The following SCHIP1 variants were observed in gnomAD, a reference collection of about 807,000 sequenced individuals.
SCHIP1 encodes schwannomin interacting protein 1.
In SCHIP1, 8 loss-of-function variants were observed where a neutral mutation model predicts 29.7. The observed-to-expected ratio is 0.27, with a 90% CI of 0.16 to 0.49. The LOEUF is 0.49. Among genes scored for constraint, SCHIP1 ranks in the 20% least tolerant of loss-of-function variants. The pLI, the probability that SCHIP1 is intolerant of heterozygous loss-of-function variation, is 0.99. For synonymous variants in SCHIP1, 76 were observed against 94.9 expected (o/e 0.80, Z 1.16); for missense variants, 193 against 294.6 (o/e 0.66, Z 2.52).
chr3:159,364,092 T>TAAC, the SCHIP1 span, among the ~76,000 whole-genome samples: 1 of 152,222 alleles, frequency 6.6e-6, no homozygotes, highest in African/African-American at 2.4e-5. Flanking sequence ...CAGATTTTGA[T>TAAC]AACTTTTCAA....
At chr3:159,845,112 G>C (rs1455403057) in intron 1 of SCHIP1, among the ~76,000 whole-genome samples, 1 of 152,132 alleles carries the variant, frequency 6.6e-6, no homozygotes, top group Non-Finnish European at 1.5e-5. Flanking sequence ...TCTCGCTCCA[G>C]ACCCTTTACT....
At chr3:159,472,655 C>A in the SCHIP1 span, among the ~76,000 whole-genome samples, 1 of 152,014 alleles carries the variant, frequency 6.6e-6, no homozygotes, top group Admixed American at 6.6e-5. Flanking sequence ...ATTTAGAGGC[C>A]CTCGGCGGAG....
chr3:159,811,299 G>A, the SCHIP1 span, among the ~76,000 whole-genome samples: 1 of 152,158 alleles, frequency 6.6e-6, no homozygotes, highest in Non-Finnish European at 1.5e-5. Flanking sequence ...TAATTTTGAT[G>A]AAGTCAATTT....
the SCHIP1 span, among the ~76,000 whole-genome samples, chr3:159,308,059 G>T: frequency 6.6e-6 from 1 of 151,808 alleles, no homozygotes; most frequent in African/African-American, 2.4e-5. Flanking sequence ...GGTTATTTAG[G>T]CTCTTTTTTT....
the SCHIP1 span, among the ~76,000 whole-genome samples, chr3:159,550,714 G>A: frequency 1.3e-5 from 2 of 151,946 alleles, no homozygotes; most frequent in African/African-American, 4.8e-5. Context: ...GCAAAATTAT[G>A]GCAAAATCAA....
the SCHIP1 span, among the ~76,000 whole-genome samples, chr3:159,547,611 C>G: frequency 6.6e-6 from 1 of 151,986 alleles, no homozygotes; most frequent in Non-Finnish European, 1.5e-5. Context: ...AGGAAGGGGT[C>G]CAGTTTCAGT....
the SCHIP1 span, among the ~76,000 whole-genome samples, chr3:159,800,627 G>C: frequency 3.9e-3 from 599 of 152,268 alleles, 5 homozygotes; most frequent in African/African-American, 0.014. Context: ...ACTGACTGGT[G>C]GCCCGTGAAG....
At chr3:159,626,300 A>ATT in the SCHIP1 span, among the ~76,000 whole-genome samples, 6 of 131,574 alleles carry the variant, frequency 4.6e-5, no homozygotes, top group South Asian at 9.2e-4. Context: ...AGATAGATAG[A>ATT]TTTTTTTTTA....
the SCHIP1 span, among the ~76,000 whole-genome samples, chr3:159,763,270 C>T: frequency 6.6e-6 from 1 of 151,892 alleles, no homozygotes; most frequent in African/African-American, 2.4e-5. Flanking sequence ...CTCGGGCTCC[C>T]ACATGGGCTT....
the SCHIP1 span, among the ~76,000 whole-genome samples, chr3:159,485,603 G>A: frequency 6.6e-6 from 1 of 152,276 alleles, no homozygotes; most frequent in Admixed American, 6.5e-5. Context: ...GGCAAATATT[G>A]TTGAAAGAGC....
the SCHIP1 span, among the ~76,000 whole-genome samples, chr3:159,416,276 C>T: frequency 9.9e-5 from 15 of 152,196 alleles, no homozygotes; most frequent in South Asian, 8.3e-4. Flanking sequence ...TCCCTGACTA[C>T]GCATCTTAGG....
chr3:159,742,696 C>T, the SCHIP1 span, among the ~76,000 whole-genome samples: 2 of 151,064 alleles, frequency 1.3e-5, no homozygotes, highest in Admixed American at 1.3e-4. Context: ...GAGACAGAGT[C>T]TCGCTCCATC....
At chr3:159,854,172 A>T (rs568724991) in intron 1 of SCHIP1, among the ~76,000 whole-genome samples, 1 of 152,230 alleles carries the variant, frequency 6.6e-6, no homozygotes, top group East Asian at 1.9e-4. Flanking sequence ...AATCCCTTCC[A>T]TCATGGGCCT....
chr3:159,646,653 C>T, the SCHIP1 span, among the ~76,000 whole-genome samples: 4 of 152,094 alleles, frequency 2.6e-5, no homozygotes, highest in African/African-American at 9.7e-5. Flanking sequence ...CCAACACAAC[C>T]CTGAATACAA....
chr3:159,818,304 G>C, the SCHIP1 span, among the ~76,000 whole-genome samples: 1 of 152,214 alleles, frequency 6.6e-6, no homozygotes, highest in Non-Finnish European at 1.5e-5. Context: ...TAAACAAATA[G>C]TTGGGTAGAC....
chr3:159,325,236 T>TA, the SCHIP1 span, among the ~76,000 whole-genome samples: 1 of 152,172 alleles, frequency 6.6e-6, no homozygotes, highest in Non-Finnish European at 1.5e-5. Context: ...CCATAGATTT[T>TA]ACACTTTCTC....
the SCHIP1 span, among the ~76,000 whole-genome samples, chr3:159,742,094 C>G: frequency 6.6e-6 from 1 of 152,004 alleles, no homozygotes. Context: ...GGTGTGGTGG[C>G]GGGCGCCTGT....
chr3:159,513,345 C>A, the SCHIP1 span, among the ~76,000 whole-genome samples: 9 of 152,214 alleles, frequency 5.9e-5, no homozygotes, highest in African/African-American at 2.2e-4. Flanking sequence ...GCCTCAAATA[C>A]CTTGTTACTT....
the SCHIP1 span, among the ~76,000 whole-genome samples, chr3:159,768,779 C>T: frequency 6.6e-6 from 1 of 152,176 alleles, no homozygotes; most frequent in Non-Finnish European, 1.5e-5. Flanking sequence ...GTCCAGCCCT[C>T]CACTGTGATG....
Sources: allele counts gnomAD v4.1 joint callset (sites outside exome capture counted in the v4.1 genomes callset), GRCh38; gene constraint gnomAD v4.1.1; transcripts MANE v1.5; gene names NCBI Gene and HGNC (gene_info 2026-07-23, HGNC 2026-07-21).